SMC3: variants seen among roughly 807,000 people sequenced by gnomAD.
SMC3 encodes structural maintenance of chromosomes protein 3.
SMC3 carries 20 observed loss-of-function variants against 171.8 expected under a neutral mutation model. The ratio of observed to expected loss-of-function variants is 0.12; its 90% CI spans 0.08 to 0.17. SMC3 has a LOEUF of 0.17. SMC3 is among the 10% of genes least tolerant of loss of function. SMC3 has a pLI of 1.00. For missense variants in SMC3, 543 were observed against 1,420.4 expected (o/e 0.38, Z 9.93); for synonymous variants, 464 against 451.1 (o/e 1.03, Z -0.36).
intron 2 of SMC3, among the ~76,000 whole-genome samples, chr10:110,571,227 G>C (rs189874979): frequency 6.6e-6 from 1 of 152,156 alleles, no homozygotes; most frequent in East Asian, 1.9e-4. Flanking sequence ...CTATACTTGT[G>C]ATTAGTCCTG....
At chr10:110,603,491 G>A (rs1047458020) in intron 28 of SMC3, among the ~76,000 whole-genome samples, 1 of 152,016 alleles carries the variant, frequency 6.6e-6, no homozygotes, top group Non-Finnish European at 1.5e-5. Context: ...TATTTTCATT[G>A]GCATTAATAA....
At chr10:110,601,514 CAG>C (rs1861387096) in intron 23 of SMC3, 121 bp from the exon 24 acceptor site, 2 of 1,022,922 alleles carry the variant, frequency 2.0e-6, no homozygotes, top group Non-Finnish European at 2.9e-6. Context: ...TAAATTTTCA[CAG>C]AAAATTTTAA....
intron 13 of SMC3, among the ~76,000 whole-genome samples, chr10:110,585,157 T>G (rs919390249): frequency 6.6e-6 from 1 of 151,716 alleles, no homozygotes; most frequent in Admixed American, 6.6e-5. Context: ...ATTTTGTATT[T>G]TTAGTAGAGA....
At chr10:110,575,432 G>GA in intron 4 of SMC3, 29 bp downstream of exon 4, 1 of 1,486,652 alleles carries the variant, frequency 6.7e-7, no homozygotes, top group Non-Finnish European at 9.4e-7. Flanking sequence ...AGACATTATT[G>GA]ATATTACATA....
At chr10:110,591,957 G>T (rs1861211876) in intron 17 of SMC3, among the ~76,000 whole-genome samples, 1 of 152,050 alleles carries the variant, frequency 6.6e-6, no homozygotes, top group African/African-American at 2.4e-5. Flanking sequence ...TTCCATTTAC[G>T]CTGAGTAAAC....
At chr10:110,598,004 G>T in intron 19 of SMC3, 135 bp from the exon 20 acceptor site, 1 of 761,988 alleles carries the variant, frequency 1.3e-6, no homozygotes, top group Non-Finnish European at 2.2e-6. Context: ...GCATTGTTTT[G>T]GTCCATAAAT....
chr10:110,593,254 G>A, intron 18 of SMC3, 31 bp downstream of exon 18: 1 of 1,601,798 alleles, frequency 6.2e-7, no homozygotes, highest in Non-Finnish European at 8.6e-7. Context: ...GCTTTAAACA[G>A]ATAAATTCTA....
intron 2 of SMC3, among the ~76,000 whole-genome samples, chr10:110,572,213 C>T (rs1319183395): frequency 6.6e-6 from 1 of 152,166 alleles, no homozygotes; most frequent in Non-Finnish European, 1.5e-5. Context: ...ACACCATGGT[C>T]CTTTACCTCT....
chr10:110,577,975 G>A (rs1860978012), intron 6 of SMC3, 61 bp downstream of exon 6: 1 of 1,147,092 alleles, frequency 8.7e-7, no homozygotes, highest in African/African-American at 1.5e-5. Flanking sequence ...ATGGGGTATT[G>A]CTGTGTTGGC....
Position 110,567,931 on chromosome 10 carries a change from A to G in SMC3, c.15+100A>G, listed in dbSNP as rs886424143. The G allele has an allele frequency of 2.8e-6, 4 of 1,408,602 alleles. No homozygotes were observed. The African/African-American group carries it at 4.2e-5, about 15-fold the overall frequency. 87.3% of individuals were successfully genotyped at this position (1,408,602 alleles called of 1,614,324 possible). On this transcript the variant is annotated intron_variant, in intron 1 of 28. Transcript: ENST00000361804. ...CACCCGCAGCCTCTCCCCTGTCTCCACAGGCTGGACCAGGGCTGGGCGGGG... is the reference window on the plus strand; with the variant it reads ...CACCCGCAGCCTCTCCCCTGTCTCCGCAGGCTGGACCAGGGCTGGGCGGGG...
chr10:110,599,243 G>A (rs1311198775), intron 20 of SMC3, among the ~76,000 whole-genome samples: 1 of 152,100 alleles, frequency 6.6e-6, no homozygotes, highest in African/African-American at 2.4e-5. Context: ...GATTGCAGGC[G>A]TGTGCCTCCA....
chr10:110,603,723 TC>T (rs1243735180), intron 28 of SMC3, among the ~76,000 whole-genome samples: 1 of 152,216 alleles, frequency 6.6e-6, no homozygotes, highest in Non-Finnish European at 1.5e-5. Flanking sequence ...ATTTTTTAAA[TC>T]TATGCATTGA....
At chr10:110,589,498 T>C in intron 13 of SMC3, 107 bp from the exon 14 acceptor site, 2 of 725,276 alleles carry the variant, frequency 2.8e-6, no homozygotes. Context: ...AATTCCTCCC[T>C]CACCTTTTGT....
intron 13 of SMC3, among the ~76,000 whole-genome samples, chr10:110,584,871 G>C (rs372830089): frequency 6.6e-6 from 1 of 152,156 alleles, no homozygotes; most frequent in Non-Finnish European, 1.5e-5. Flanking sequence ...GCAATCCTCC[G>C]ACCTTGGCCT....
chr10:110,585,333 A>G (rs1157418288), intron 13 of SMC3, among the ~76,000 whole-genome samples: 2 of 144,078 alleles, frequency 1.4e-5, no homozygotes, highest in African/African-American at 5.2e-5. Context: ...TGTGTCACCC[A>G]GTCTGGAGTG....
At chr10:110,583,591 G>T in intron 11 of SMC3, 43 bp downstream of exon 11, 1 of 1,593,464 alleles carries the variant, frequency 6.3e-7, no homozygotes, top group South Asian at 1.1e-5. Context: ...ATGTTCAGGT[G>T]AGTAGCAACT....
intron 27 of SMC3, 75 bp from the exon 28 acceptor site, chr10:110,603,109 A>G: frequency 6.6e-7 from 1 of 1,518,454 alleles, no homozygotes; most frequent in Non-Finnish European, 9.1e-7. Flanking sequence ...TTTTAGTAAG[A>G]GTAAAGATAG....
intron 13 of SMC3, among the ~76,000 whole-genome samples, chr10:110,586,617 C>G (rs939659567): frequency 6.6e-6 from 1 of 152,122 alleles, no homozygotes; most frequent in Non-Finnish European, 1.5e-5. Flanking sequence ...AAGATGAAGC[C>G]TTTCCTTTGG....
chr10:110,597,356 T>TA (rs112830238), intron 19 of SMC3, among the ~76,000 whole-genome samples: 9,009 of 152,102 alleles, frequency 0.059, 357 homozygotes, highest in African/African-American at 0.11. Flanking sequence ...TGGATTTTCT[T>TA]AAAACCACCA....
Sources: gnomAD v4.1 joint callset for allele counts (sites outside exome capture counted in the v4.1 genomes callset) on GRCh38, gnomAD v4.1.1 for gene constraint, MANE v1.5 for transcripts, NCBI Gene and HGNC (gene_info 2026-07-23, HGNC 2026-07-21) for gene names.